SCFD2: variants seen among roughly 807,000 people sequenced by gnomAD.
The protein encoded by SCFD2 is sec1 family domain-containing protein 2.
Under a neutral mutation model 58.9 loss-of-function variants are expected in SCFD2, and 54 were observed. That is an observed-to-expected ratio of 0.92 (90% CI 0.74 to 1.15). SCFD2 has a LOEUF of 1.15. Ranked by LOEUF, SCFD2 falls within the 50% of genes most tolerant of loss-of-function variation. The pLI, the probability that SCFD2 is intolerant of heterozygous loss-of-function variation, is 0.00. For missense variants in SCFD2, 805 were observed against 836.6 expected (o/e 0.96, Z 0.47); for synonymous variants, 321 against 335.9 (o/e 0.96, Z 0.49).
intron 5 of SCFD2, among the ~76,000 whole-genome samples, chr4:53,045,417 T>C (rs1456123763): frequency 3.3e-5 from 5 of 152,168 alleles, no homozygotes; most frequent in African/African-American, 7.2e-5. Flanking sequence ...CTACGGCCAA[T>C]GTATTTCTTT....
chr4:53,128,089 T>C (rs1435935606), intron 5 of SCFD2, among the ~76,000 whole-genome samples: 2 of 145,516 alleles, frequency 1.4e-5, no homozygotes, highest in Non-Finnish European at 3.0e-5. Context: ...AAATCTAATA[T>C]ATGCATGTTC....
intron 1 of SCFD2, among the ~76,000 whole-genome samples, chr4:53,363,920 G>T (rs1409448219): frequency 6.6e-6 from 1 of 151,258 alleles, no homozygotes; most frequent in Non-Finnish European, 1.5e-5. Flanking sequence ...CCTAACAGAA[G>T]TCTTAGGGGA....
At chr4:52,985,227 G>C (rs1017266269) in intron 5 of SCFD2, among the ~76,000 whole-genome samples, 2 of 152,124 alleles carry the variant, frequency 1.3e-5, no homozygotes, top group Non-Finnish European at 2.9e-5. Context: ...TCCCTCCCAG[G>C]TATGAAGAGT....
At chr4:53,097,849 G>C (rs1371990549) in intron 5 of SCFD2, among the ~76,000 whole-genome samples, 1 of 152,058 alleles carries the variant, frequency 6.6e-6, no homozygotes, top group Non-Finnish European at 1.5e-5. Context: ...ATTGGCTGTG[G>C]GTTTGTCATA....
At chr4:53,249,025 CA>C (rs749334694) in intron 4 of SCFD2, among the ~76,000 whole-genome samples, 1 of 152,112 alleles carries the variant, frequency 6.6e-6, no homozygotes, top group Non-Finnish European at 1.5e-5. Flanking sequence ...GGAGGAAATT[CA>C]AACCAAAGGC....
intron 4 of SCFD2, among the ~76,000 whole-genome samples, chr4:53,214,025 T>C (rs899932302): frequency 6.6e-6 from 1 of 152,172 alleles, no homozygotes; most frequent in African/African-American, 2.4e-5. Context: ...ATGGTGTGTA[T>C]GTGCCACATT....
intron 4 of SCFD2, among the ~76,000 whole-genome samples, chr4:53,201,281 T>A (rs1318532065): frequency 6.6e-6 from 1 of 151,946 alleles, no homozygotes; most frequent in African/African-American, 2.4e-5. Context: ...GGTGTTTGGT[T>A]TTTTCTCCTT....
At chr4:53,051,695 G>A (rs1201134415) in intron 5 of SCFD2, among the ~76,000 whole-genome samples, 1 of 152,126 alleles carries the variant, frequency 6.6e-6, no homozygotes, top group African/African-American at 2.4e-5. Flanking sequence ...ATAAAGTGGC[G>A]CTAACTGCAC....
At chr4:53,092,634 T>C (rs12641339) in intron 5 of SCFD2, among the ~76,000 whole-genome samples, 29,575 of 152,002 alleles carry the variant, frequency 0.19, 3,461 homozygotes, top group Non-Finnish European at 0.27. Context: ...GATTGATATA[T>C]GATATAAAAA....
chr4:52,885,555 G>T (rs1477981895), intron 8 of SCFD2, among the ~76,000 whole-genome samples, 192 bp downstream of exon 8: 1 of 152,050 alleles, frequency 6.6e-6, no homozygotes, highest in African/African-American at 2.4e-5. Context: ...GAACTCCAGG[G>T]CATGTCGGGC....
At chr4:52,905,108 T>C (rs926139440) in intron 7 of SCFD2, among the ~76,000 whole-genome samples, 5 of 152,234 alleles carry the variant, frequency 3.3e-5, no homozygotes, top group Non-Finnish European at 2.9e-5. Context: ...CGAAGAAGGC[T>C]GGTAAATGGT....
At chr4:52,951,706 T>C (rs1408197963) in intron 5 of SCFD2, among the ~76,000 whole-genome samples, 2 of 152,162 alleles carry the variant, frequency 1.3e-5, no homozygotes, top group African/African-American at 4.8e-5. Context: ...GCTCAGCTCT[T>C]CTTTCCCCAC....
chr4:53,285,797 A>C (rs1481821), intron 3 of SCFD2, among the ~76,000 whole-genome samples: 109,083 of 151,394 alleles, frequency 0.72, 39,491 homozygotes, highest in Middle Eastern at 0.8. Flanking sequence ...CAGCCCCCAC[A>C]ACCACTGCAG....
intron 4 of SCFD2, among the ~76,000 whole-genome samples, chr4:53,235,203 G>A (rs1293807340): frequency 2.0e-5 from 3 of 152,216 alleles, no homozygotes; most frequent in African/African-American, 7.2e-5. Context: ...GGGTAACTGG[G>A]AAGCACATTC....
At chr4:53,312,688 A>G (rs1732726397) in intron 3 of SCFD2, among the ~76,000 whole-genome samples, 1 of 152,114 alleles carries the variant, frequency 6.6e-6, no homozygotes, top group African/African-American at 2.4e-5. Flanking sequence ...TTCTATTTCA[A>G]CTTAGTTTGA....
chr4:53,340,141 C>T (rs995365420), intron 2 of SCFD2, among the ~76,000 whole-genome samples: 7 of 152,196 alleles, frequency 4.6e-5, no homozygotes, highest in South Asian at 2.1e-4. Flanking sequence ...TGCAGCCCAC[C>T]GAGCGACAGC....
intron 4 of SCFD2, among the ~76,000 whole-genome samples, chr4:53,251,275 T>G (rs1354754695): frequency 1.3e-5 from 2 of 152,084 alleles, no homozygotes; most frequent in African/African-American, 2.4e-5. Context: ...CAGGACCAGA[T>G]GGATTCACAG....
At chr4:53,198,515 A>G (rs1728126728) in intron 4 of SCFD2, among the ~76,000 whole-genome samples, 1 of 152,122 alleles carries the variant, frequency 6.6e-6, no homozygotes, top group African/African-American at 2.4e-5. Context: ...CAATTATTGT[A>G]ATCATGTTTA....
intron 5 of SCFD2, among the ~76,000 whole-genome samples, chr4:52,959,280 T>C (rs1401374499): frequency 3.3e-5 from 5 of 152,064 alleles, no homozygotes; most frequent in South Asian, 2.1e-4. Flanking sequence ...TGCTTGATAA[T>C]AGGAGGTTGG....
Sources: gnomAD v4.1 joint callset for allele counts (sites outside exome capture counted in the v4.1 genomes callset) on GRCh38, gnomAD v4.1.1 for gene constraint, MANE v1.5 for transcripts, NCBI Gene and HGNC (gene_info 2026-07-23, HGNC 2026-07-21) for gene names.